The following PDCD4 variants were observed in gnomAD, a reference collection of about 807,000 sequenced individuals.
PDCD4 encodes programmed cell death 4, also known as programmed cell death protein 4.
In PDCD4, 56 loss-of-function variants were observed where a neutral mutation model predicts 54.0. The ratio of observed to expected loss-of-function variants is 1.04; its 90% CI spans 0.84 to 1.30. The LOEUF is 1.30. Ranked by LOEUF, PDCD4 falls within the 50% of genes most tolerant of loss-of-function variation. The pLI is 0.00. For missense variants in PDCD4, 584 were observed against 559.8 expected (o/e 1.04, Z -0.44); for synonymous variants, 186 against 194.8 (o/e 0.95, Z 0.37).
At chr10:110,883,412 C>T (rs1845621523) in intron 4 of PDCD4, among the ~76,000 whole-genome samples, 2 of 151,996 alleles carry the variant, frequency 1.3e-5, no homozygotes, top group Admixed American at 1.3e-4. Context: ...TATTAGATTC[C>T]TTTTAAATAT....
At position 110,890,536 on chromosome 10, in the gene PDCD4, A is replaced by T. The variant is rs1455657915; in HGVS notation, c.876-20A>T. 2.0e-6 allele frequency: 3 copies of T among 1,517,130 alleles called. No homozygotes were observed. The highest frequency in any genetic ancestry group is 2.7e-6 in the Non-Finnish European group (3 of 1,106,476). 94.0% of individuals were successfully genotyped at this position (1,517,130 alleles called of 1,614,324 possible). A position where few individuals can be genotyped will look rare whatever the true frequency, so the allele number is the denominator to read the frequency against. On this transcript the variant is annotated intron_variant, in intron 7 of 11. Transcript: ENST00000280154. ...AGGTATGTCCAGCTATCAAACTTAAATTTTTTTCTTTCTCTGTAGAGCTGC... is the reference window on the plus strand; with the variant it reads ...AGGTATGTCCAGCTATCAAACTTAATTTTTTTTCTTTCTCTGTAGAGCTGC...
chr10:110,880,552 C>G (rs1416470337), intron 2 of PDCD4: 4 of 152,208 alleles, frequency 2.6e-5, no homozygotes, highest in Non-Finnish European at 4.4e-5. Flanking sequence ...TTCTTGAAAG[C>G]AAACTTTGTC....
chr10:110,891,892 T>G (rs543926734), intron 8 of PDCD4, among the ~76,000 whole-genome samples: 1 of 152,082 alleles, frequency 6.6e-6, no homozygotes, highest in South Asian at 2.1e-4. Flanking sequence ...GGCATCCAGA[T>G]TGGAAAGGAG....
At position 110,898,310 on chromosome 10, in the gene PDCD4, T is replaced by C. The variant is rs2134010456; in HGVS notation, c.*222T>C. On this transcript the variant is annotated 3_prime_UTR_variant, in exon 12 of 12. Coordinates refer to ENST00000280154, the MANE Select transcript of PDCD4 (RefSeq NM_014456.5). The stretch of plus-strand genomic sequence containing the variant: ...CAAGGAGGGACAGAAAAGTAACCTC[T>C]TCTTAAGTGGAATATTCTAATAAGC... 1 of 356,720 alleles carries C rather than the reference T, an allele frequency of 2.8e-6. No homozygotes were observed. The highest frequency in any genetic ancestry group is 4.2e-5 in the East Asian group (1 of 23,856). 22.1% of individuals were successfully genotyped at this position (356,720 alleles called of 1,614,324 possible). A position where few individuals can be genotyped will look rare whatever the true frequency, so the allele number is the denominator to read the frequency against.
chr10:110,881,933 TC>T (rs1564681394), intron 3 of PDCD4, among the ~76,000 whole-genome samples: 1 of 152,214 alleles, frequency 6.6e-6, no homozygotes, highest in Non-Finnish European at 1.5e-5. Flanking sequence ...AACGTCTAGA[TC>T]TGAATTTTAA....
intron 8 of PDCD4, chr10:110,890,978 A>C (rs1468071622): frequency 5.0e-6 from 1 of 200,140 alleles, no homozygotes; most frequent in Non-Finnish European, 9.9e-6. Flanking sequence ...TGTTGAAATG[A>C]GATTTTCTGT....
intron 5 of PDCD4, 86 bp downstream of exon 5, chr10:110,885,452 G>T (rs961801568): frequency 5.2e-6 from 3 of 582,140 alleles, no homozygotes; most frequent in East Asian, 6.0e-5. Context: ...ATGATCTTGG[G>T]TCACTGAATA....
chr10:110,889,631 G>T lies in PDCD4; in HGVS notation c.875+1G>T, dbSNP rs1450128386. ...GAACTGTAGATTGTGTGCAGGCTAGGTAAGTAAATCACTTTTCCTACTTAG... is the reference window on the plus strand; with the variant it reads ...GAACTGTAGATTGTGTGCAGGCTAGTTAAGTAAATCACTTTTCCTACTTAG... On this transcript the variant is annotated splice_donor_variant, in intron 7 of 11. Coordinates refer to ENST00000280154, the MANE Select transcript of PDCD4 (RefSeq NM_014456.5). LOFTEE classifies it high-confidence loss of function. 6.6e-7 allele frequency: 1 copy of T among 1,521,554 alleles called. No individual in the cohort carries two copies. The highest frequency in any genetic ancestry group is 1.8e-5 in the Admixed American group (1 of 55,318). The allele number at this position is 1,521,554 out of a possible 1,614,324, so 94.3% of individuals were successfully genotyped here.
chr10:110,897,774 C>CT (rs1281154462), intron 11 of PDCD4, among the ~76,000 whole-genome samples: 3 of 151,648 alleles, frequency 2.0e-5, no homozygotes, highest in Non-Finnish European at 4.4e-5. Flanking sequence ...TTTGAGTCAA[C>CT]TTTTTTTAAT....
rs749987516 is a variant in PDCD4 at position 110,881,539 on chromosome 10, G to A, written c.346+4G>A. On this transcript the variant is annotated splice_donor_region_variant and intron_variant, in intron 3 of 11. Transcript: ENST00000280154. ...GGAAGGGGACTACCAAAGAAAGGTT[G>A]GTATATATCATGTCCAACAAATGGA... 24 of 1,600,986 alleles carry A rather than the reference G, an allele frequency of 1.5e-5. No homozygotes were observed. The highest frequency in any genetic ancestry group is 2.0e-5 in the Non-Finnish European group (24 of 1,171,576).
Position 110,894,511 on chromosome 10 carries a change from CA to C in PDCD4, c.1201del (p.Met401Ter). The part of the protein sequence containing the change: ...LWKSSTITVD[Q>X]MKRGYERIYN... Reference sequence around the variant, plus strand: ...GAAGTCTTCTACCATTACTGTAGACCAAATGAAAAGAGTAAGTATAACATTG... The same window carrying C: ...GAAGTCTTCTACCATTACTGTAGACCAATGAAAAGAGTAAGTATAACATTG... On this transcript the variant is annotated frameshift_variant, in exon 10 of 12. Transcript: ENST00000280154. LOFTEE classifies it high-confidence loss of function. The C allele has an allele frequency of 7.2e-7, 1 of 1,386,020 alleles. No homozygotes were observed. The allele number at this position is 1,386,020 out of a possible 1,614,324, so 85.9% of individuals were successfully genotyped here. A position where few individuals can be genotyped will look rare whatever the true frequency, so the allele number is the denominator to read the frequency against.
chr10:110,876,032 A>G lies in PDCD4; in HGVS notation c.5A>G (p.Asp2Gly). M[D>G]VENEQILNVN... is the part of the protein sequence containing the mutation. ...TGCAAGCGAAATTAAGGGAAAATGG[A>G]TGTAGAAAATGAGCAGATACTGAAT... The change falls in exon 2 of 12, where the codon GAT becomes GGT. Residue 2 changes from aspartate (D) to glycine (G), a missense_variant. Transcript: ENST00000280154. The G allele has an allele frequency of 6.2e-7, 1 of 1,609,706 alleles. No homozygotes were observed. Among genetic ancestry groups the G allele is most frequent in the Non-Finnish European group, 8.5e-7 (1 of 1,177,092 alleles).
At chr10:110,886,593 C>T (rs2135207262) in intron 5 of PDCD4, among the ~76,000 whole-genome samples, 1 of 152,248 alleles carries the variant, frequency 6.6e-6, no homozygotes, top group East Asian at 1.9e-4. Flanking sequence ...GAGGAGGGCA[C>T]TCTAACTGAA....
At chr10:110,892,872 A>G (rs1367690011) in intron 8 of PDCD4, among the ~76,000 whole-genome samples, 1 of 152,176 alleles carries the variant, frequency 6.6e-6, no homozygotes, top group Admixed American at 6.5e-5. Flanking sequence ...AGCTCTATTC[A>G]TATTGAGTGC....
chr10:110,872,397 A>G (rs1312532079), intron 1 of PDCD4, among the ~76,000 whole-genome samples: 2 of 151,772 alleles, frequency 1.3e-5, no homozygotes, highest in Non-Finnish European at 2.9e-5. Context: ...GGGGGCCGGG[A>G]TTGGAAGGCG....
At chr10:110,895,750 T>C (rs191470306) in intron 10 of PDCD4, among the ~76,000 whole-genome samples, 198 bp from the exon 11 acceptor site, 2 of 152,344 alleles carry the variant, frequency 1.3e-5, no homozygotes, top group Admixed American at 6.5e-5. Flanking sequence ...TGTTATTTCC[T>C]GACTCTAATA....
intron 2 of PDCD4, among the ~76,000 whole-genome samples, chr10:110,879,136 G>C (rs1402358353): frequency 4.6e-5 from 7 of 152,100 alleles, no homozygotes; most frequent in Admixed American, 4.6e-4. Context: ...TACTACCCTT[G>C]CTCTTTACCA....
chr10:110,882,308 A>C (rs1006855696), intron 3 of PDCD4, among the ~76,000 whole-genome samples: 2 of 152,240 alleles, frequency 1.3e-5, no homozygotes. Context: ...TGTTGGTGAC[A>C]TTGTAAAGGT....
intron 6 of PDCD4, 26 bp downstream of exon 6, chr10:110,887,912 A>G (rs1845693879): frequency 7.0e-7 from 1 of 1,427,646 alleles, no homozygotes; most frequent in Non-Finnish European, 9.9e-7. Context: ...CTTTTTGTTC[A>G]TTCCCTCCCA....
Sources: gnomAD v4.1 joint callset for allele counts (sites outside exome capture counted in the v4.1 genomes callset) on GRCh38, gnomAD v4.1.1 for gene constraint, MANE v1.5 for transcripts, NCBI Gene and HGNC (gene_info 2026-07-23, HGNC 2026-07-21) for gene names.